The following MTCL1 variants were observed in gnomAD, a reference collection of about 807,000 sequenced individuals.
MTCL1 encodes the protein microtubule cross-linking factor 1.
In MTCL1, 79 loss-of-function variants were observed where a neutral mutation model predicts 141.4. The ratio of observed to expected loss-of-function variants is 0.56; its 90% CI spans 0.47 to 0.67. The LOEUF is 0.67. Ranked by LOEUF, MTCL1 falls within the 30% of genes least tolerant of loss-of-function variation. The pLI is 0.00. For missense variants in MTCL1, 2,177 were observed against 2,113.9 expected, an observed-to-expected ratio of 1.03 and a Z score of -0.59; for synonymous variants, 914 against 875.8, an observed-to-expected ratio of 1.04 and a Z score of -0.77.
chr18:8,782,901 C>A (rs1156323140), intron 5 of MTCL1, among the ~76,000 whole-genome samples: 1 of 152,164 alleles, frequency 6.6e-6, no homozygotes, highest in Non-Finnish European at 1.5e-5. Flanking sequence ...GACATTAGGG[C>A]TGGGGAGACC....
chr18:8,819,413 A>G (rs536313734), intron 13 of MTCL1, among the ~76,000 whole-genome samples, 154 bp downstream of exon 12: 1 of 152,262 alleles, frequency 6.6e-6, no homozygotes, highest in East Asian at 1.9e-4. Context: ...TCTTCACAAC[A>G]CCAAGGGTTT....
chr18:8,777,134 G>A (rs543140487), intron 4 of MTCL1, among the ~76,000 whole-genome samples: 14 of 152,304 alleles, frequency 9.2e-5, no homozygotes, highest in African/African-American at 3.4e-4. Flanking sequence ...TACTTGGGAG[G>A]CTGAGGCAAG....
At chr18:8,792,048 A>G (rs1166190648) in intron 7 of MTCL1, among the ~76,000 whole-genome samples, 1 of 152,218 alleles carries the variant, frequency 6.6e-6, no homozygotes, top group Admixed American at 6.5e-5. Context: ...GATTAGGAAG[A>G]ACAAACAGTA....
intron 7 of MTCL1, chr18:8,786,654 GGTTGGAAGT>G (rs1598659938): frequency 1.1e-5 from 3 of 285,068 alleles, no homozygotes; most frequent in Admixed American, 4.2e-5. Flanking sequence ...CAGAGACCAT[GGTTGGAAGT>G]GTTGTCAGCA....
At chr18:8,824,585 TG>T in intron 14 of MTCL1, 113 bp from the exon 14 acceptor site, 1 of 788,676 alleles carries the variant, frequency 1.3e-6, no homozygotes, top group Non-Finnish European at 2.0e-6. Flanking sequence ...TCTCCTGGTG[TG>T]GGTGGCAGCG....
chr18:8,743,555 C>T (rs2096316944), intron 4 of MTCL1, among the ~76,000 whole-genome samples: 1 of 152,232 alleles, frequency 6.6e-6, no homozygotes, highest in Admixed American at 6.5e-5. Flanking sequence ...TGTGTTCCTT[C>T]TGGAGGCTCT....
intron 10 of MTCL1, chr18:8,801,620 A>T (rs2076126491): frequency 6.6e-6 from 1 of 152,232 alleles, no homozygotes; most frequent in Non-Finnish European, 1.5e-5. Flanking sequence ...CCTACCTCCC[A>T]GAGTTAACCA....
chr18:8,744,901 T>G (rs986439398), intron 4 of MTCL1, among the ~76,000 whole-genome samples: 25 of 152,224 alleles, frequency 1.6e-4, no homozygotes, highest in African/African-American at 5.5e-4. Flanking sequence ...GACTAGAGGC[T>G]TATGCAGGGA....
At chr18:8,718,583 C>T (rs1041202711) in exon 3 of MTCL1, 9 of 1,613,938 alleles carry the variant, frequency 5.6e-6, no homozygotes, top group Middle Eastern at 1.7e-4. Context: ...GCAGAAAAGC[C>T]TGAAAGTGGC....
At chr18:8,814,470 T>C (rs2076586729) in intron 12 of MTCL1, among the ~76,000 whole-genome samples, 1 of 152,260 alleles carries the variant, frequency 6.6e-6, no homozygotes, top group Admixed American at 6.5e-5. Flanking sequence ...AGAGGAATGC[T>C]GGCCATTTCC....
chr18:8,761,508 C>A (rs368888659), intron 4 of MTCL1, among the ~76,000 whole-genome samples: 2 of 152,334 alleles, frequency 1.3e-5, no homozygotes, highest in African/African-American at 4.8e-5. Flanking sequence ...TCCCCTCCTG[C>A]CCTTCACCCT....
At chr18:8,806,825 C>A in intron 10 of MTCL1, 68 bp from the exon 10 acceptor site, 2 of 1,327,320 alleles carry the variant, frequency 1.5e-6, no homozygotes, top group Middle Eastern at 2.1e-4. Flanking sequence ...ATAGCCAGAT[C>A]CTCTCCTCTT....
At chr18:8,787,108 A>T (rs139508895) in intron 7 of MTCL1, 17 of 152,416 alleles carry the variant, frequency 1.1e-4, no homozygotes, top group African/African-American at 4.1e-4. Flanking sequence ...TTATTGTGTA[A>T]CCTGGAGCAG....
chr18:8,729,426 CAG>C, intron 4 of MTCL1, among the ~76,000 whole-genome samples: 1 of 151,860 alleles, frequency 6.6e-6, no homozygotes, highest in Middle Eastern at 3.4e-3. Flanking sequence ...TTTTTAGAGA[CAG>C]GGTCTCCCTC....
rs140661465 is a variant in MTCL1 at position 8,778,881 on chromosome 18, G to C, written c.417+989G>C. 4.6e-3 allele frequency among the ~76,000 whole-genome samples: 699 copies of C among 152,360 alleles called. 1 individual carries two copies. Among genetic ancestry groups the C allele is most frequent in the Non-Finnish European group, 7.7e-3 (522 of 68,036 alleles). On this transcript the variant is annotated intron_variant, in intron 5 of 16. Transcript: ENST00000359865. The stretch of plus-strand genomic sequence containing the variant: ...GGGAAATTCTGCCCCATTGTGAAAT[G>C]AACAGCATGGAGTTGCATTCGCCCT...
chr18:8,744,052 C>T (rs1231549082), intron 4 of MTCL1, among the ~76,000 whole-genome samples: 1 of 152,200 alleles, frequency 6.6e-6, no homozygotes, highest in Non-Finnish European at 1.5e-5. Flanking sequence ...TTGAAGTGGG[C>T]ATTTTTATAT....
At chr18:8,748,627 A>G (rs1198775393) in intron 4 of MTCL1, among the ~76,000 whole-genome samples, 1 of 152,300 alleles carries the variant, frequency 6.6e-6, no homozygotes, top group East Asian at 1.9e-4. Context: ...GAATATATAT[A>G]TTCGTGACTC....
intron 1 of MTCL1, among the ~76,000 whole-genome samples, chr18:8,711,121 T>G (rs187550511): frequency 0.014 from 2,062 of 151,570 alleles, 7 homozygotes; most frequent in Non-Finnish European, 0.02. Context: ...TTCCCACCTA[T>G]GAGTGAGAAT....
intron 4 of MTCL1, among the ~76,000 whole-genome samples, chr18:8,731,046 C>A (rs2096247636): frequency 6.6e-6 from 1 of 151,876 alleles, no homozygotes; most frequent in Non-Finnish European, 1.5e-5. Context: ...GAGATCAAGA[C>A]CATCCTGGCT....
Sources: allele counts gnomAD v4.1 joint callset (sites outside exome capture counted in the v4.1 genomes callset), GRCh38; gene constraint gnomAD v4.1.1; transcripts MANE v1.5; gene names NCBI Gene and HGNC (gene_info 2026-07-23, HGNC 2026-07-21).